WDR59: variants seen among roughly 807,000 people sequenced by gnomAD.
The protein encoded by WDR59 is WD repeat domain 59, also known as GATOR2 complex protein WDR59.
In WDR59, 100 loss-of-function variants were observed where a neutral mutation model predicts 131.2. The observed-to-expected ratio is 0.76, with a 90% CI of 0.65 to 0.90. The LOEUF is 0.90. WDR59 is among the 40% of genes least tolerant of loss of function. WDR59 has a pLI of 0.00. For synonymous variants in WDR59, 601 were observed against 466.2 expected, an observed-to-expected ratio of 1.29 and a Z score of -3.72; for missense variants, 1,203 against 1,262.2, an observed-to-expected ratio of 0.95 and a Z score of 0.71.
rs762674671 is a variant in WDR59 at position 74,985,046 on chromosome 16, G to A, written c.-29C>T. On this transcript the variant is annotated 5_prime_UTR_variant, in exon 1 of 26. Coordinates refer to ENST00000262144, the MANE Select transcript of WDR59 (RefSeq NM_030581.4). ...CCCCGCCCGGCCGCCGCGGCCCCAG[G>A]ACGGCGCCCTCCCACCCCGCCGTCC... is the stretch of plus-strand genomic sequence containing the variant. 1.9e-6 allele frequency: 3 copies of A among 1,554,644 alleles called. No individual in the cohort carries two copies. The highest frequency in any genetic ancestry group is 2.4e-5 in the East Asian group (1 of 41,464).
At position 74,947,951 on chromosome 16, in the gene WDR59, T is replaced by C. The variant is rs979569060; in HGVS notation, c.445+568A>G. Reference sequence around the variant, plus strand: ...CAGGTGTGGTGGCAGGCGCCTGTAATCCCAGCTACTTGGGAGACTGAGGGA... The same window carrying C: ...CAGGTGTGGTGGCAGGCGCCTGTAACCCCAGCTACTTGGGAGACTGAGGGA... On this transcript the variant is annotated intron_variant, in intron 6 of 25. Transcript: ENST00000262144. Among the ~76,000 whole-genome samples, 4 of 152,102 alleles carry C rather than the reference T, an allele frequency of 2.6e-5. 1 individual carries two copies. In the South Asian group the frequency reaches 8.3e-4, roughly 32 times the overall value.
At chr16:74,977,383 TA>T (rs1411149972) in intron 1 of WDR59, among the ~76,000 whole-genome samples, 1 of 152,154 alleles carries the variant, frequency 6.6e-6, no homozygotes, top group Non-Finnish European at 1.5e-5. Flanking sequence ...ACACTCTTCT[TA>T]ATCTATAAGA....
At chr16:74,948,976 C>T (rs184372022) in intron 5 of WDR59, among the ~76,000 whole-genome samples, 12 of 151,666 alleles carry the variant, frequency 7.9e-5, no homozygotes, top group South Asian at 4.2e-4. Context: ...CCAGCCAGGA[C>T]GACAAGAGCA....
Position 74,948,327 on chromosome 16 carries a change from T to G in WDR59, c.445+192A>C, listed in dbSNP as rs534098143. On this transcript the variant is annotated intron_variant, in intron 6 of 25. Coordinates refer to ENST00000262144, the MANE Select transcript of WDR59 (RefSeq NM_030581.4). ...ACACCCAACAGTCCTAACTGTGGCT[T>G]CTGGGAGCAGCCTAAAGTGAGCCCC... Among the ~76,000 whole-genome samples, 7 of 152,338 alleles carry G rather than the reference T, an allele frequency of 4.6e-5. No homozygotes were observed. In the East Asian group the frequency reaches 1.3e-3, roughly 29 times the overall value.
At chr16:74,899,590 C>A in intron 18 of WDR59, 1 of 924,822 alleles carries the variant, frequency 1.1e-6, no homozygotes, top group South Asian at 1.4e-5. Flanking sequence ...CTGAAAACAG[C>A]TCGCCTGTCA....
At chr16:74,908,738 G>T in intron 17 of WDR59, 170 bp downstream of exon 17, 1 of 570,974 alleles carries the variant, frequency 1.8e-6, no homozygotes, top group South Asian at 2.5e-5. Context: ...AGAAATCACA[G>T]CTTTTTTGCA....
At chr16:74,931,301 A>C (rs912133510) in intron 8 of WDR59, among the ~76,000 whole-genome samples, 2 of 152,218 alleles carry the variant, frequency 1.3e-5, no homozygotes, top group African/African-American at 4.8e-5. Flanking sequence ...AATGAAAACA[A>C]CTGATGCTTT....
At chr16:74,884,346 T>G (rs937197658) in intron 25 of WDR59, among the ~76,000 whole-genome samples, 1 of 152,194 alleles carries the variant, frequency 6.6e-6, no homozygotes. Flanking sequence ...TTGGATACAA[T>G]TGAAATTCTT....
intron 3 of WDR59, among the ~76,000 whole-genome samples, chr16:74,952,527 C>G (rs2033066673): frequency 6.6e-6 from 1 of 151,010 alleles, no homozygotes; most frequent in South Asian, 2.1e-4. Flanking sequence ...ATTTAACACT[C>G]CTTGAAATAA....
At chr16:74,899,853 G>T (rs1024576255) in intron 18 of WDR59, 1 of 887,590 alleles carries the variant, frequency 1.1e-6, no homozygotes, top group South Asian at 1.4e-5. Flanking sequence ...CCACACATCC[G>T]ATGGATTCCA....
chr16:74,947,104 G>A (rs959785055), intron 6 of WDR59, among the ~76,000 whole-genome samples: 1 of 152,194 alleles, frequency 6.6e-6, no homozygotes, highest in African/African-American at 2.4e-5. Flanking sequence ...ACTAAGCAAT[G>A]AAAACAGGTA....
Position 74,956,463 on chromosome 16 carries a change from A to T in WDR59, c.240+12T>A. 6.2e-7 allele frequency: 1 copy of T among 1,613,044 alleles called. No homozygotes were observed. The highest frequency in any genetic ancestry group is 8.5e-7 in the Non-Finnish European group (1 of 1,179,486). ...TTAACAGCATTCTCCTGTATTCCTT[A>T]AATAAGCTCACCGAAGCCGCAAAAT... On this transcript the variant is annotated intron_variant, in intron 3 of 25. Coordinates refer to ENST00000262144, the MANE Select transcript of WDR59 (RefSeq NM_030581.4).
At chr16:74,927,683 A>AACACAC (rs61511176) in intron 8 of WDR59, among the ~76,000 whole-genome samples, 1,379 of 118,226 alleles carry the variant, frequency 0.012, 20 homozygotes, top group African/African-American at 0.036. Context: ...CTCTTTAAAA[A>AACACAC]ACACACACAC....
intron 2 of WDR59, among the ~76,000 whole-genome samples, chr16:74,956,880 C>T (rs556556641): frequency 6.6e-6 from 1 of 152,228 alleles, no homozygotes; most frequent in East Asian, 1.9e-4. Context: ...GGATTCACCT[C>T]CAACCTGCCC....
chr16:74,949,642 C>A, intron 5 of WDR59, 76 bp downstream of exon 5: 2 of 1,365,140 alleles, frequency 1.5e-6, no homozygotes, highest in Non-Finnish European at 2.1e-6. Flanking sequence ...GGAAACCAAA[C>A]TAAGACACTT....
intron 8 of WDR59, among the ~76,000 whole-genome samples, chr16:74,933,805 G>C (rs55675901): frequency 6.6e-6 from 1 of 152,162 alleles, no homozygotes; most frequent in Non-Finnish European, 1.5e-5. Flanking sequence ...GGCTAGTCAC[G>C]AACTTCTGAC....
intron 2 of WDR59, among the ~76,000 whole-genome samples, chr16:74,960,048 G>A (rs2033483574): frequency 6.6e-6 from 1 of 151,952 alleles, no homozygotes; most frequent in South Asian, 2.1e-4. Flanking sequence ...CTAAAGTTTA[G>A]GCCGGGCGCA....
At chr16:74,960,753 TA>T (rs59914217) in intron 2 of WDR59, among the ~76,000 whole-genome samples, 56,778 of 120,336 alleles carry the variant, frequency 0.47, 11,067 homozygotes, top group East Asian at 0.69. Flanking sequence ...GTCTCAAAAA[TA>T]AAAAAAAAAA....
chr16:74,985,116 C>T lies in WDR59; in HGVS notation c.-99G>A, dbSNP rs2034575686. On this transcript the variant is annotated 5_prime_UTR_variant, in exon 1 of 26. Coordinates refer to ENST00000262144, the MANE Select transcript of WDR59 (RefSeq NM_030581.4). ...CGCCCCACACAGCCAGAGAATCAGCCCCGACACGCCCCGTGCCCTGGTTGC... is the reference window on the plus strand; with the variant it reads ...CGCCCCACACAGCCAGAGAATCAGCTCCGACACGCCCCGTGCCCTGGTTGC... The T allele has an allele frequency of 8.5e-7, 1 of 1,173,198 alleles. No homozygotes were observed. Among genetic ancestry groups the T allele is most frequent in the Non-Finnish European group, 1.2e-6 (1 of 810,630 alleles). 72.7% of individuals were successfully genotyped at this position (1,173,198 alleles called of 1,614,324 possible).
Sources: allele counts gnomAD v4.1 joint callset (sites outside exome capture counted in the v4.1 genomes callset), GRCh38; gene constraint gnomAD v4.1.1; transcripts MANE v1.5; gene names NCBI Gene and HGNC (gene_info 2026-07-23, HGNC 2026-07-21).